KCNIP4: variants seen among roughly 807,000 people sequenced by gnomAD.
KCNIP4 encodes the protein Kv channel-interacting protein 4.
Under a neutral mutation model 34.0 loss-of-function variants are expected in KCNIP4, and 12 were observed. The ratio of observed to expected loss-of-function variants is 0.35; its 90% CI spans 0.23 to 0.57. The LOEUF (loss-of-function observed/expected upper bound fraction) is 0.57, where lower values mean the gene tolerates loss of function less well. Ranked by LOEUF, KCNIP4 falls within the 20% of genes least tolerant of loss-of-function variation. The pLI is 0.83. For missense variants in KCNIP4, 238 were observed against 311.7 expected, an observed-to-expected ratio of 0.76 and a Z score of 1.78; for synonymous variants, 124 against 102.2, an observed-to-expected ratio of 1.21 and a Z score of -1.29.
Position 20,896,097 on chromosome 4 carries a change from G to A in KCNIP4, c.62-13388C>T, listed in dbSNP as rs369981385. On this transcript the variant is annotated intron_variant, in intron 1 of 8. Coordinates refer to ENST00000382152, the MANE Select transcript of KCNIP4 (RefSeq NM_025221.6). ...GAACTGGATGGTCTGGCAACCTTTT[G>A]TCTGCATTTCTGTATAGCAGAAATT... 1.7e-4 allele frequency among the ~76,000 whole-genome samples: 26 copies of A among 152,206 alleles called. No homozygotes were observed. The South Asian group carries it at 3.5e-3, about 21-fold the overall frequency.
intron 1 of KCNIP4, among the ~76,000 whole-genome samples, chr4:21,473,978 T>C (rs910925144): frequency 6.6e-6 from 1 of 152,072 alleles, no homozygotes; most frequent in Non-Finnish European, 1.5e-5. Flanking sequence ...CCTCCCAAAG[T>C]GCTGACATTA....
At chr4:21,070,356 G>A (rs1459052699) in intron 1 of KCNIP4, among the ~76,000 whole-genome samples, 1 of 151,958 alleles carries the variant, frequency 6.6e-6, no homozygotes. Context: ...ACAGAGTACA[G>A]TTGCTGGGTT....
At chr4:21,495,472 T>G (rs559700950) in intron 1 of KCNIP4, among the ~76,000 whole-genome samples, 1 of 152,312 alleles carries the variant, frequency 6.6e-6, no homozygotes, top group East Asian at 1.9e-4. Flanking sequence ...GGCAGGAGTC[T>G]GGATCAAACA....
At chr4:21,735,599 A>G (rs572941929) in intron 1 of KCNIP4, among the ~76,000 whole-genome samples, 1 of 152,268 alleles carries the variant, frequency 6.6e-6, no homozygotes, top group African/African-American at 2.4e-5. Context: ...GAAGCCTCCA[A>G]AATAAAGATT....
intron 1 of KCNIP4, among the ~76,000 whole-genome samples, chr4:21,183,427 G>A (rs1364833): frequency 0.097 from 14,587 of 150,118 alleles, 825 homozygotes; most frequent in East Asian, 0.19. Flanking sequence ...TTAATTTTTG[G>A]AGGAACTTTA....
At chr4:21,539,566 G>A (rs1187072910) in intron 1 of KCNIP4, among the ~76,000 whole-genome samples, 1 of 152,224 alleles carries the variant, frequency 6.6e-6, no homozygotes, top group Non-Finnish European at 1.5e-5. Flanking sequence ...TTACAGATTT[G>A]TATCAGATCT....
At chr4:21,762,351 G>C (rs1304156557) in intron 1 of KCNIP4, among the ~76,000 whole-genome samples, 3 of 152,078 alleles carry the variant, frequency 2.0e-5, no homozygotes, top group Non-Finnish European at 4.4e-5. Context: ...GCCATATGTG[G>C]CTTGTGACTA....
intron 1 of KCNIP4, among the ~76,000 whole-genome samples, chr4:21,396,698 C>T (rs1054994516): frequency 5.9e-5 from 9 of 151,758 alleles, no homozygotes; most frequent in African/African-American, 1.9e-4. Context: ...ATGACTCTTA[C>T]AAGAAAACAA....
chr4:20,979,392 T>G (rs1283150881), intron 1 of KCNIP4, among the ~76,000 whole-genome samples: 1 of 146,300 alleles, frequency 6.8e-6, no homozygotes, highest in Non-Finnish European at 1.5e-5. Context: ...CTGCTTCCAC[T>G]TTCTTTCTTT....
chr4:20,806,247 T>G (rs1278835364), intron 3 of KCNIP4, among the ~76,000 whole-genome samples: 1 of 152,056 alleles, frequency 6.6e-6, no homozygotes, highest in East Asian at 1.9e-4. Context: ...AATTTTGCCT[T>G]TACCTTTTTT....
chr4:21,872,438 A>G (rs1295096699), intron 1 of KCNIP4, among the ~76,000 whole-genome samples: 1 of 152,206 alleles, frequency 6.6e-6, no homozygotes, highest in African/African-American at 2.4e-5. Flanking sequence ...TCCACAGGCT[A>G]AAGAGAAGCA....
At chr4:21,895,486 T>C (rs1270476301) in intron 1 of KCNIP4, among the ~76,000 whole-genome samples, 1 of 152,180 alleles carries the variant, frequency 6.6e-6, no homozygotes, top group Admixed American at 6.5e-5. Context: ...ATTAGCTGTG[T>C]AACCACAGCA....
intron 3 of KCNIP4, among the ~76,000 whole-genome samples, chr4:20,786,054 C>T (rs1336279432): frequency 6.6e-6 from 1 of 151,984 alleles, no homozygotes; most frequent in Non-Finnish European, 1.5e-5. Context: ...AACCTAGGTA[C>T]CCATCAATGG....
intron 1 of KCNIP4, among the ~76,000 whole-genome samples, chr4:21,940,807 A>C (rs1730163845): frequency 6.6e-6 from 1 of 152,076 alleles, no homozygotes; most frequent in African/African-American, 2.4e-5. Flanking sequence ...ACTATATCTC[A>C]CAGAGTTGTT....
intron 1 of KCNIP4, among the ~76,000 whole-genome samples, chr4:21,237,117 A>G (rs1759425666): frequency 6.6e-6 from 1 of 152,162 alleles, no homozygotes; most frequent in Admixed American, 6.6e-5. Flanking sequence ...ATAAACAGAG[A>G]AAATACCTGA....
rs372510784 is a variant in KCNIP4, at chr4:21,537,209, G to A, written c.61+411362C>T. 1.6e-3 allele frequency among the ~76,000 whole-genome samples: 242 copies of A among 152,300 alleles called. 10 individuals carry two copies. The South Asian group carries it at 0.043, about 27-fold the overall frequency. On this transcript the variant is annotated intron_variant, in intron 1 of 8. Transcript: ENST00000382152. ...CTTTGATTTCTCAGACTCTACAGGAGATCAAGGTTCTGGCAAATGTAGAAG... is the reference window on the plus strand; with the variant it reads ...CTTTGATTTCTCAGACTCTACAGGAAATCAAGGTTCTGGCAAATGTAGAAG...
chr4:21,070,288 T>C (rs1425197775), intron 1 of KCNIP4, among the ~76,000 whole-genome samples: 1 of 152,198 alleles, frequency 6.6e-6, no homozygotes, highest in Non-Finnish European at 1.5e-5. Context: ...TAAACTGCTG[T>C]GAACAATCAT....
chr4:21,930,374 G>T (rs1729496794), intron 1 of KCNIP4, among the ~76,000 whole-genome samples: 1 of 152,010 alleles, frequency 6.6e-6, no homozygotes, highest in Non-Finnish European at 1.5e-5. Context: ...TTTCTAACTA[G>T]TTCCCATGAC....
At chr4:20,945,726 C>T (rs902065536) in intron 1 of KCNIP4, among the ~76,000 whole-genome samples, 7 of 152,038 alleles carry the variant, frequency 4.6e-5, no homozygotes, top group South Asian at 4.1e-4. Flanking sequence ...ACTCTCAAAA[C>T]GGTTCTTAAA....
Sources: allele counts gnomAD v4.1 joint callset (sites outside exome capture counted in the v4.1 genomes callset), GRCh38; gene constraint gnomAD v4.1.1; transcripts MANE v1.5; gene names NCBI Gene and HGNC (gene_info 2026-07-23, HGNC 2026-07-21).